Variants in IGSF5 observed in about 807,000 individuals in gnomAD.
IGSF5 encodes the protein immunoglobulin superfamily member 5.
A neutral mutation model predicts 39.4 loss-of-function variants in IGSF5; 41 were observed. That is an observed-to-expected ratio of 1.04 (90% CI 0.81 to 1.35). The LOEUF (loss-of-function observed/expected upper bound fraction) is 1.35. IGSF5 is among the 40% of genes most tolerant of loss of function. The pLI is 0.00. For missense variants in IGSF5, 487 were observed against 494.6 expected (o/e 0.98, Z 0.15); for synonymous variants, 183 against 175.3 (o/e 1.04, Z -0.34).
intron 6 of IGSF5, among the ~76,000 whole-genome samples, chr21:39,789,281 A>C (rs952834027): frequency 2.6e-5 from 4 of 152,210 alleles, no homozygotes; most frequent in Non-Finnish European, 5.9e-5. Flanking sequence ...TGGGTAGAGG[A>C]TAACAACAAC....
chr21:39,801,397 A>G lies in IGSF5; in HGVS notation c.*40A>G, dbSNP rs1445481892. On this transcript the variant is annotated 3_prime_UTR_variant, in exon 9 of 9. Coordinates refer to ENST00000380588, the MANE Select transcript of IGSF5 (RefSeq NM_001080444.2). ...AGCTCCACTGAGCACTTGGCTGACA[A>G]TTCAAAACACGGCGATGGCATCCTT... is the stretch of plus-strand genomic sequence containing the variant. 1.4e-6 allele frequency: 2 copies of G among 1,431,558 alleles called. No homozygotes were observed. Among genetic ancestry groups the G allele is most frequent in the Admixed American group, 1.7e-5 (1 of 59,314 alleles). 88.7% of individuals were successfully genotyped at this position (1,431,558 alleles called of 1,614,324 possible).
At chr21:39,746,683 T>G (rs2079976708) in intron 2 of IGSF5, among the ~76,000 whole-genome samples, 2 of 14,352 alleles carry the variant, frequency 1.4e-4, no homozygotes, top group African/African-American at 2.0e-4. Flanking sequence ...AGTTAACAGT[T>G]AACACAGCTC....
intron 2 of IGSF5, among the ~76,000 whole-genome samples, chr21:39,763,798 CTCT>C (rs907057889): frequency 2.6e-5 from 4 of 152,170 alleles, no homozygotes; most frequent in East Asian, 1.9e-4. Context: ...CGGCTGTTTT[CTCT>C]TCTTCTTAAC....
intron 2 of IGSF5, among the ~76,000 whole-genome samples, chr21:39,764,157 C>T (rs1899407371): frequency 6.6e-6 from 1 of 152,112 alleles, no homozygotes; most frequent in Non-Finnish European, 1.5e-5. Flanking sequence ...CCTGGTCCTG[C>T]TTATGGAGGG....
intron 6 of IGSF5, among the ~76,000 whole-genome samples, chr21:39,790,139 C>T (rs1160537131): frequency 6.6e-6 from 1 of 152,150 alleles, no homozygotes; most frequent in Non-Finnish European, 1.5e-5. Flanking sequence ...TGACATCTTT[C>T]CCACATCCCC....
the IGSF5 span, among the ~76,000 whole-genome samples, chr21:39,727,155 G>C: frequency 6.6e-6 from 1 of 152,196 alleles, no homozygotes; most frequent in Admixed American, 6.5e-5. Flanking sequence ...AACTCCTAGT[G>C]ACCCACTAGT....
At chr21:39,739,578 G>C in the IGSF5 span, among the ~76,000 whole-genome samples, 5 of 152,120 alleles carry the variant, frequency 3.3e-5, no homozygotes, top group Non-Finnish European at 4.4e-5. Flanking sequence ...AGGAAATCCA[G>C]CTAGTCCTGT....
intron 2 of IGSF5, among the ~76,000 whole-genome samples, chr21:39,757,663 G>T (rs7282400): frequency 0.82 from 123,115 of 150,702 alleles, 50,447 homozygotes; most frequent in Admixed American, 0.86. Flanking sequence ...TGCAACCTGC[G>T]CCTCCCGGGT....
intron 2 of IGSF5, among the ~76,000 whole-genome samples, chr21:39,751,578 T>C (rs1264544943): frequency 1.3e-5 from 2 of 151,428 alleles, no homozygotes; most frequent in South Asian, 2.1e-4. Context: ...TGAACTGTTC[T>C]TGGGATGGGT....
chr21:39,772,007 G>A (rs781431697), intron 4 of IGSF5, among the ~76,000 whole-genome samples: 38 of 152,152 alleles, frequency 2.5e-4, no homozygotes, highest in Non-Finnish European at 4.3e-4. Context: ...CGTGTCTAAA[G>A]CTTTTCCCAC....
intron 2 of IGSF5, among the ~76,000 whole-genome samples, chr21:39,759,558 A>T (rs2837174): frequency 0.39 from 59,250 of 151,738 alleles, 11,847 homozygotes; most frequent in Admixed American, 0.52. Flanking sequence ...TGTTTCTGAG[A>T]TACTTTTTCC....
intron 8 of IGSF5, among the ~76,000 whole-genome samples, chr21:39,794,362 C>G (rs554711456): frequency 2.0e-5 from 3 of 152,258 alleles, no homozygotes; most frequent in Admixed American, 2.0e-4. Flanking sequence ...ATTCACCAGT[C>G]TGCAGTTCCA....
chr21:39,784,492 C>A (rs979982990), intron 5 of IGSF5, among the ~76,000 whole-genome samples: 2 of 152,118 alleles, frequency 1.3e-5, no homozygotes, highest in Admixed American at 1.3e-4. Flanking sequence ...AAATACTATC[C>A]TATAGATTGG....
chr21:39,793,522 C>T lies in IGSF5; in HGVS notation c.1049-12C>T, dbSNP rs2146294813. The T allele has an allele frequency of 3.1e-6, 5 of 1,610,056 alleles. No homozygotes were observed. Among genetic ancestry groups the T allele is most frequent in the East Asian group, 2.2e-5 (1 of 44,852 alleles). ...GCCACTTAATGACTCTAAAATTGTT[C>T]TTCTGTTGCAGACACCGCTTCTCTC... On this transcript the variant is annotated splice_polypyrimidine_tract_variant and intron_variant, in intron 7 of 8. Coordinates refer to ENST00000380588, the MANE Select transcript of IGSF5 (RefSeq NM_001080444.2).
At chr21:39,760,649 C>A (rs190016942) in intron 2 of IGSF5, among the ~76,000 whole-genome samples, 19 of 152,166 alleles carry the variant, frequency 1.2e-4, no homozygotes, top group African/African-American at 4.6e-4. Context: ...CGGCTCACTG[C>A]AACCTCCGCC....
chr21:39,768,060 C>T (rs992086387), intron 3 of IGSF5, among the ~76,000 whole-genome samples: 3 of 152,162 alleles, frequency 2.0e-5, no homozygotes, highest in South Asian at 4.1e-4. Context: ...GTCTGAATCC[C>T]GCTGACTTTT....
chr21:39,760,018 T>C (rs2837175), intron 2 of IGSF5, among the ~76,000 whole-genome samples: 59,415 of 151,894 alleles, frequency 0.39, 11,936 homozygotes, highest in Admixed American at 0.52. Flanking sequence ...TTGTAATGAA[T>C]GCAAATTTGT....
At chr21:39,786,729 C>T (rs1199951357) in intron 5 of IGSF5, among the ~76,000 whole-genome samples, 1 of 152,168 alleles carries the variant, frequency 6.6e-6, no homozygotes, top group African/African-American at 2.4e-5. Flanking sequence ...CAACGATAGA[C>T]TGGATTAAGA....
chr21:39,734,172 C>T, the IGSF5 span, among the ~76,000 whole-genome samples: 1 of 152,156 alleles, frequency 6.6e-6, no homozygotes. Context: ...CGCCTGTAAT[C>T]CCAGCACTGT....
Sources: allele counts gnomAD v4.1 joint callset (sites outside exome capture counted in the v4.1 genomes callset), GRCh38; gene constraint gnomAD v4.1.1; transcripts MANE v1.5; gene names NCBI Gene and HGNC (gene_info 2026-07-23, HGNC 2026-07-21).